ARHGAP32: variants seen among roughly 807,000 people sequenced by gnomAD.
ARHGAP32 encodes rho GTPase-activating protein 32.
Under a neutral mutation model 186.5 loss-of-function variants are expected in ARHGAP32, and 51 were observed. The ratio of observed to expected loss-of-function variants is 0.27; its 90% CI spans 0.22 to 0.35. The LOEUF is 0.35. ARHGAP32 is among the 10% of genes least tolerant of loss of function. The pLI, the probability that ARHGAP32 is intolerant of heterozygous loss-of-function variation, is 1.00. For missense variants in ARHGAP32, 2,186 were observed against 2,623.5 expected, an observed-to-expected ratio of 0.83 and a Z score of 3.64; for synonymous variants, 950 against 964.3, an observed-to-expected ratio of 0.99 and a Z score of 0.27.
rs1471179712 is a variant in ARHGAP32 at position 128,966,479 on chromosome 11, G to A, written c.*2428C>T. On this transcript the variant is annotated 3_prime_UTR_variant, in exon 23 of 23. Coordinates refer to ENST00000682385, the MANE Select transcript of ARHGAP32 (RefSeq NM_001378024.1). ...CTGTTGCTAGCATGCATTAAATGAA[G>A]CAACTCTAGATTTGATCTGAAGTTT... The A allele has an allele frequency of 6.6e-6, 1 of 152,172 alleles. No homozygotes were observed. The highest frequency in any genetic ancestry group is 6.5e-5 in the Admixed American group (1 of 15,286). The allele number at this position is 152,172 out of a possible 1,614,324, so 9.4% of individuals were successfully genotyped here. A position where few individuals can be genotyped will look rare whatever the true frequency, so the allele number is the denominator to read the frequency against.
chr11:129,260,165 A>C (rs1945304264), intron 1 of ARHGAP32, among the ~76,000 whole-genome samples: 1 of 152,210 alleles, frequency 6.6e-6, no homozygotes, highest in Admixed American at 6.6e-5. Flanking sequence ...CTGAAGAGCC[A>C]TAGTATTTCA....
chr11:129,057,171 C>T (rs1421162933), intron 10 of ARHGAP32, among the ~76,000 whole-genome samples: 1 of 152,158 alleles, frequency 6.6e-6, no homozygotes, highest in Non-Finnish European at 1.5e-5. Flanking sequence ...CGGACATCCT[C>T]TCGGCAGAAG....
rs111896362 is a variant in ARHGAP32 at position 128,971,011 on chromosome 11, C to T, written c.4202G>A (p.Arg1401Gln). The change falls in exon 23 of 23, where the codon CGG (arginine) becomes CAG (glutamine). Residue 1401 changes from arginine (R) to glutamine (Q), a missense_variant. By Grantham distance (43) the Arg-to-Gln change is conservative (BLOSUM62 1). Coordinates refer to ENST00000682385, the MANE Select transcript of ARHGAP32 (RefSeq NM_001378024.1). ...AVQPGLPEKV[R>Q]DGARVPLLHL... The stretch of plus-strand genomic sequence containing the variant: ...CAGCAGCGGGACCCGGGCACCGTCC[C>T]GCACTTTCTCAGGCAGGCCTGGCTG... 2.0e-5 allele frequency: 33 copies of T among 1,613,778 alleles called. No individual in the cohort carries two copies. The highest frequency in any genetic ancestry group is 6.7e-5 in the East Asian group (3 of 44,872).
intron 2 of ARHGAP32, among the ~76,000 whole-genome samples, chr11:129,134,115 T>A (rs1942882310): frequency 1.3e-5 from 2 of 151,764 alleles, no homozygotes; most frequent in Admixed American, 1.3e-4. Context: ...AACACTACGA[T>A]CAAACAGATC....
Position 128,970,363 on chromosome 11 carries a change from T to A in ARHGAP32, c.4850A>T (p.Glu1617Val). Residue 1617 changes from glutamate to valine, a missense_variant, in exon 23 of 23, where the codon GAA becomes GTA. Physicochemically the swap from Glu to Val is moderately radical, Grantham distance 121. Transcript: ENST00000682385. This position sits in a 1 kb window ranked among gnomAD's most constrained non-coding sequence, Gnocchi z 5.8. ...GGCTGGCTCATCATCTGGGGGAACT[T>A]CTGTCCGTGAAATGGGAACAGAGCG... is the stretch of plus-strand genomic sequence containing the variant. The part of the protein sequence containing the change: ...MIRSVPISRT[E>V]VPPDDEPAYC... 1 of 1,614,094 alleles carries A rather than the reference T, an allele frequency of 6.2e-7. No homozygotes were observed. Among genetic ancestry groups the A allele is most frequent in the South Asian group, 1.1e-5 (1 of 91,080 alleles).
chr11:129,129,635 T>C (rs547177846), intron 2 of ARHGAP32, among the ~76,000 whole-genome samples: 4 of 152,346 alleles, frequency 2.6e-5, no homozygotes, highest in South Asian at 4.1e-4. Flanking sequence ...AGATTGTTAC[T>C]GTGTCTGTGT....
chr11:129,193,531 A>AATATATATATTATATAATAT (rs1944312023), upstream of ARHGAP32, among the ~76,000 whole-genome samples: 2 of 64,066 alleles, frequency 3.1e-5, no homozygotes, highest in Non-Finnish European at 2.9e-5. Context: ...TAGAGCATAT[A>AATATATATATTATATAATAT]ATATATATAT....
chr11:129,227,173 A>C (rs1016143744), intron 1 of ARHGAP32, among the ~76,000 whole-genome samples: 1 of 152,052 alleles, frequency 6.6e-6, no homozygotes, highest in African/African-American at 2.4e-5. Flanking sequence ...ATTGAAATTA[A>C]GTGAGTATTA....
At chr11:129,030,354 T>C (rs1939058304) in intron 11 of ARHGAP32, 1 of 151,750 alleles carries the variant, frequency 6.6e-6, no homozygotes, top group Admixed American at 6.6e-5. Flanking sequence ...CAAGTGAAAA[T>C]TTAGAACAAA....
intron 2 of ARHGAP32, among the ~76,000 whole-genome samples, chr11:129,158,603 A>G (rs961489474): frequency 6.6e-6 from 1 of 152,150 alleles, no homozygotes; most frequent in Non-Finnish European, 1.5e-5. Context: ...CTCCCACACA[A>G]TAACAGTGGG....
chr11:129,097,968 A>C (rs1941782723), intron 5 of ARHGAP32, among the ~76,000 whole-genome samples: 1 of 152,218 alleles, frequency 6.6e-6, no homozygotes, highest in Admixed American at 6.5e-5. Context: ...TAAGACTGGG[A>C]GATTTCTCAT....
intron 2 of ARHGAP32, among the ~76,000 whole-genome samples, chr11:129,127,077 C>T (rs1942679256): frequency 6.6e-6 from 1 of 152,130 alleles, no homozygotes; most frequent in Non-Finnish European, 1.5e-5. Flanking sequence ...GAAATTGAAA[C>T]GTTAGCTTTC....
intron 5 of ARHGAP32, among the ~76,000 whole-genome samples, chr11:129,110,833 A>G (rs1290396707): frequency 1.3e-5 from 2 of 152,218 alleles, no homozygotes; most frequent in African/African-American, 4.8e-5. Flanking sequence ...TTTTCTGTGA[A>G]GTCTTTAAGG....
intron 1 of ARHGAP32, among the ~76,000 whole-genome samples, chr11:129,176,644 G>C (rs572737743): frequency 1.3e-5 from 2 of 149,986 alleles, no homozygotes; most frequent in Non-Finnish European, 3.0e-5. Context: ...ACTCAAAACC[G>C]CTCAACTACA....
rs1942597000 is a variant in ARHGAP32, at chr11:129,123,986, T to C, written c.318-57A>G. On this transcript the variant is annotated intron_variant, in intron 3 of 22. Coordinates refer to ENST00000682385, the MANE Select transcript of ARHGAP32 (RefSeq NM_001378024.1). This position sits in a 1 kb window ranked among gnomAD's most constrained non-coding sequence, Gnocchi z 4.6. Reference sequence around the variant, plus strand: ...CTTTCCTCTACTTACACATGAAGCATAACTATCTAACTCTACTAAGTGAAA... The same window carrying C: ...CTTTCCTCTACTTACACATGAAGCACAACTATCTAACTCTACTAAGTGAAA... 16 of 1,172,658 alleles carry C rather than the reference T, an allele frequency of 1.4e-5. No individual in the cohort carries two copies. The highest frequency in any genetic ancestry group is 2.5e-5 in the Admixed American group (1 of 40,132). The allele number at this position is 1,172,658 out of a possible 1,614,324, so 72.6% of individuals were successfully genotyped here.
chr11:129,244,751 G>GA lies in ARHGAP32; in HGVS notation c.-5+34394dup, dbSNP rs559534508. Among the ~76,000 whole-genome samples, 384 of 149,962 alleles carry GA rather than the reference G, an allele frequency of 2.6e-3. 4 individuals carry two copies. Among genetic ancestry groups the GA allele is most frequent in the African/African-American group, 8.9e-3 (363 of 40,680 alleles). On this transcript the variant is annotated intron_variant, in intron 1 of 6. Transcript: ENST00000525234. Reference sequence around the variant, plus strand: ...ACAATGAACTCAAACAAATTTACAAGAAAAAAAACAAACAACCCCATCAAA... The same window carrying GA: ...ACAATGAACTCAAACAAATTTACAAGAAAAAAAAACAAACAACCCCATCAAA...
In ARHGAP32 at chr11:129,238,784, T is replaced by A. The variant is rs530525424; in HGVS notation, c.-5+40362A>T. On this transcript the variant is annotated intron_variant, in intron 1 of 6. Coordinates refer to the ARHGAP32 transcript ENST00000525234. The stretch of plus-strand genomic sequence containing the variant: ...ACACACACACACACACACACACACC[T>A]CTAACCAAACATAATTAAGACTTCT... Among the ~76,000 whole-genome samples the A allele has an allele frequency of 2.7e-3, 277 of 101,996 alleles. 3 individuals are homozygous for A. Among genetic ancestry groups the A allele is most frequent in the African/African-American group, 0.011 (269 of 23,964 alleles). The allele number at this position is 101,996 out of a possible 152,430, so 66.9% of individuals were successfully genotyped here.
intron 2 of ARHGAP32, among the ~76,000 whole-genome samples, chr11:129,129,090 G>C (rs963614053): frequency 2.0e-5 from 3 of 152,068 alleles, no homozygotes; most frequent in African/African-American, 7.2e-5. Flanking sequence ...CCCCGTCTGG[G>C]ATGTGAAGGG....
chr11:129,020,073 T>C (rs1938531093), intron 11 of ARHGAP32, among the ~76,000 whole-genome samples: 2 of 152,086 alleles, frequency 1.3e-5, no homozygotes, highest in African/African-American at 4.8e-5. Flanking sequence ...ACTCTGAGAA[T>C]GTATGAAGTG....
Sources: gnomAD v4.1 joint callset for allele counts (sites outside exome capture counted in the v4.1 genomes callset) on GRCh38, gnomAD v4.1.1 for gene constraint, Gnocchi (gnomAD v3.1) non-coding constraint, MANE v1.5 for transcripts, NCBI Gene and HGNC (gene_info 2026-07-23, HGNC 2026-07-21) for gene names.